ASIC2: variants seen among roughly 807,000 people sequenced by gnomAD.
ASIC2 encodes acid-sensing ion channel 2.
In ASIC2, 25 loss-of-function variants were observed where a neutral mutation model predicts 57.3. That is an observed-to-expected ratio of 0.44 (90% CI 0.32 to 0.61). ASIC2 has a LOEUF of 0.61. Among genes scored for constraint, ASIC2 ranks in the 20% least tolerant of loss-of-function variants. The pLI is 0.06. For synonymous variants in ASIC2, 319 were observed against 307.5 expected (o/e 1.04, Z -0.39); for missense variants, 641 against 738.1 (o/e 0.87, Z 1.52).
intron 1 of ASIC2, among the ~76,000 whole-genome samples, chr17:33,421,513 GT>G (rs1428926572): frequency 2.0e-5 from 3 of 152,214 alleles, no homozygotes; most frequent in Non-Finnish European, 2.9e-5. Context: ...TGTGAATCTG[GT>G]TTTTCAGTGA....
intron 1 of ASIC2, among the ~76,000 whole-genome samples, chr17:33,883,196 T>C (rs538597871): frequency 6.6e-6 from 1 of 152,304 alleles, no homozygotes; most frequent in Non-Finnish European, 1.5e-5. Context: ...TATACATATG[T>C]AACAAACCTG....
chr17:33,657,601 T>C (rs1907114836), intron 1 of ASIC2, among the ~76,000 whole-genome samples: 1 of 151,930 alleles, frequency 6.6e-6, no homozygotes, highest in Non-Finnish European at 1.5e-5. Context: ...CAAAATCACT[T>C]AACTAAATGA....
At chr17:33,635,990 A>G (rs1906349705) in intron 1 of ASIC2, among the ~76,000 whole-genome samples, 1 of 152,266 alleles carries the variant, frequency 6.6e-6, no homozygotes, top group Non-Finnish European at 1.5e-5. Flanking sequence ...CAACCATTTC[A>G]ATGACGGATA....
chr17:34,101,579 G>T (rs151220328), intron 1 of ASIC2, among the ~76,000 whole-genome samples: 135 of 152,248 alleles, frequency 8.9e-4, no homozygotes, highest in East Asian at 6.6e-3. Context: ...TTATTTAAAA[G>T]ATTTTAAAGG....
intron 1 of ASIC2, among the ~76,000 whole-genome samples, chr17:33,711,492 G>A (rs1909034504): frequency 6.6e-6 from 1 of 152,162 alleles, no homozygotes; most frequent in African/African-American, 2.4e-5. Context: ...CCTGGGTCTG[G>A]TCAGTCTGTG....
chr17:33,662,738 T>TCCTTCCC (rs1907327896), intron 1 of ASIC2, among the ~76,000 whole-genome samples: 1 of 60,692 alleles, frequency 1.6e-5, no homozygotes, highest in Non-Finnish European at 3.8e-5. Flanking sequence ...CCCTCCCTCC[T>TCCTTCCC]TCCCTCCCTT....
chr17:33,873,827 G>A lies in ASIC2; in HGVS notation c.555+282151C>T, dbSNP rs187440117. On this transcript the variant is annotated intron_variant, in intron 1 of 9. Transcript: ENST00000359872. Reference sequence around the variant, plus strand: ...CCGACCGTTTTGGTGCCTAGAAGCAGATGCCTCAAGCTCCCCTCTTTGTGA... The same window carrying A: ...CCGACCGTTTTGGTGCCTAGAAGCAAATGCCTCAAGCTCCCCTCTTTGTGA... 1.4e-3 allele frequency among the ~76,000 whole-genome samples: 213 copies of A among 152,150 alleles called. 1 individual carries two copies. The highest frequency in any genetic ancestry group is 2.4e-3 in the Non-Finnish European group (163 of 68,024).
At position 33,235,111 on chromosome 17, in the gene ASIC2, T is replaced by C. The variant is rs556226612; in HGVS notation, c.708+56297A>G. ...CTCTGTTCTGGAAAGCAAGGTTCAC[T>C]GCTGGACCCTGGGGCATGAGACATA... On this transcript the variant is annotated intron_variant, in intron 1 of 9. Coordinates refer to ENST00000225823, the MANE Select transcript of ASIC2 (RefSeq NM_183377.2). Among the ~76,000 whole-genome samples the C allele has an allele frequency of 3.7e-4, 57 of 152,346 alleles. 3 individuals are homozygous for C. The South Asian group carries it at 0.012, about 32-fold the overall frequency.
At chr17:33,996,635 C>T (rs914827574) in intron 1 of ASIC2, among the ~76,000 whole-genome samples, 3 of 152,116 alleles carry the variant, frequency 2.0e-5, no homozygotes, top group Non-Finnish European at 4.4e-5. Flanking sequence ...ATTGTGTGTT[C>T]TTGGTGCCTC....
chr17:33,689,677 A>G (rs1386386467), intron 1 of ASIC2, among the ~76,000 whole-genome samples: 1 of 152,042 alleles, frequency 6.6e-6, no homozygotes, highest in African/African-American at 2.4e-5. Context: ...CCTTATTTGG[A>G]AAAAAAAGTG....
chr17:33,272,709 A>G (rs1288634639), intron 1 of ASIC2, among the ~76,000 whole-genome samples: 1 of 152,178 alleles, frequency 6.6e-6, no homozygotes, highest in East Asian at 1.9e-4. Flanking sequence ...CATCACCATC[A>G]TCATCATTGT....
chr17:33,614,262 A>G (rs758863556), intron 1 of ASIC2, among the ~76,000 whole-genome samples: 65 of 152,242 alleles, frequency 4.3e-4, no homozygotes, highest in Non-Finnish European at 3.5e-4. Context: ...AATGAAACAG[A>G]AAACAATGCA....
At chr17:33,572,393 C>T (rs1916478957) in intron 1 of ASIC2, 1 of 152,222 alleles carries the variant, frequency 6.6e-6, no homozygotes, top group Non-Finnish European at 1.5e-5. Flanking sequence ...GCAGTGATGT[C>T]CATGGCCACT....
At chr17:33,952,413 C>T (rs1307134431) in intron 1 of ASIC2, among the ~76,000 whole-genome samples, 2 of 152,130 alleles carry the variant, frequency 1.3e-5, no homozygotes, top group Non-Finnish European at 2.9e-5. Flanking sequence ...AGCTTGTTTC[C>T]TCATTCTTAT....
intron 1 of ASIC2, among the ~76,000 whole-genome samples, chr17:33,269,335 G>A (rs1305128600): frequency 6.6e-6 from 1 of 152,160 alleles, no homozygotes; most frequent in Non-Finnish European, 1.5e-5. Flanking sequence ...AGCTTCCTTG[G>A]GCTTCTGGAT....
intron 1 of ASIC2, among the ~76,000 whole-genome samples, chr17:34,030,254 C>T (rs1429604679): frequency 1.3e-5 from 2 of 152,236 alleles, no homozygotes; most frequent in South Asian, 2.1e-4. Context: ...ACAGTCTATA[C>T]CCTTCCAGCA....
At chr17:33,352,613 T>C (rs1908229023) in intron 1 of ASIC2, among the ~76,000 whole-genome samples, 2 of 152,160 alleles carry the variant, frequency 1.3e-5, no homozygotes, top group Non-Finnish European at 2.9e-5. Context: ...CCCTGGATTG[T>C]CCAAACCACC....
At chr17:33,177,555 GGAA>G (rs2142055218) in intron 1 of ASIC2, among the ~76,000 whole-genome samples, 1 of 152,300 alleles carries the variant, frequency 6.6e-6, no homozygotes, top group South Asian at 2.1e-4. Context: ...TTCAGGAAGA[GGAA>G]GTCGGGATAT....
intron 1 of ASIC2, among the ~76,000 whole-genome samples, chr17:33,995,633 C>T (rs1906133440): frequency 6.6e-6 from 1 of 151,922 alleles, no homozygotes; most frequent in Non-Finnish European, 1.5e-5. Context: ...CATACACACG[C>T]ATATAAACCA....
Sources: allele counts gnomAD v4.1 joint callset (sites outside exome capture counted in the v4.1 genomes callset), GRCh38; gene constraint gnomAD v4.1.1; transcripts MANE v1.5; gene names NCBI Gene and HGNC (gene_info 2026-07-23, HGNC 2026-07-21).